The following IFIT2 variants were observed in gnomAD, a reference collection of about 807,000 sequenced individuals.
IFIT2 encodes the protein interferon-induced protein with tetratricopeptide repeats 2.
IFIT2 carries 3 observed loss-of-function variants against 2.5 expected under a neutral mutation model. That is an observed-to-expected ratio of 1.21 (90% confidence interval 0.55 to 3.14). IFIT2 has a LOEUF of 3.14. Ranked by LOEUF, IFIT2 falls within the 30% of genes most tolerant of loss-of-function variation. The pLI is 0.03. For synonymous variants in IFIT2, 212 were observed against 200.7 expected (o/e 1.06, Z -0.48); for missense variants, 493 against 558.9 (o/e 0.88, Z 1.19).
intron 1 of IFIT2, among the ~76,000 whole-genome samples, chr10:89,303,071 C>G (rs1026697987): frequency 1.3e-5 from 2 of 150,484 alleles, no homozygotes; most frequent in African/African-American, 4.9e-5. Flanking sequence ...CACCCAGAAT[C>G]TATAGAACCC....
rs777714474 is a variant in IFIT2 at position 89,306,369 on chromosome 10, T to G, written c.413T>G (p.Leu138Arg). 13 of 1,613,974 alleles carry G rather than the reference T, an allele frequency of 8.1e-6. No individual in the cohort carries two copies. ...CCCTATAGAATTGAGAGTCCAGAGC[T>G]TGACTGTGAGGAAGGGTGGACACGG... is the stretch of plus-strand genomic sequence containing the variant. ...SSPYRIESPELDCEEGWTRLK... is the reference protein window; with the variant it reads ...SSPYRIESPERDCEEGWTRLK... The change falls in exon 2 of 2, where the codon CTT (leucine) becomes CGT (arginine). Residue 138 changes from leucine (L) to arginine (R), a missense_variant. Coordinates refer to ENST00000371826, the MANE Select transcript of IFIT2 (RefSeq NM_001547.5).
In IFIT2 at chr10:89,306,679, G is replaced by A. The variant is rs765899784; in HGVS notation, c.723G>A (p.Glu241=). The change falls in exon 2 of 2, where the codon GAG becomes GAA. Residue 241 remains glutamate (E), a synonymous_variant. Transcript: ENST00000371826. ...EGEKLVEEAL[E]KAPGVTDVLR... ...AGAAGTTAGTTGAAGAAGCCTTGGA[G>A]AAAGCCCCAGGTGTAACAGATGTTC... 2.5e-6 allele frequency: 4 copies of A among 1,614,030 alleles called. No homozygotes were observed. The highest frequency in any genetic ancestry group is 3.4e-6 in the Non-Finnish European group (4 of 1,179,980).
chr10:89,302,300 C>A, intron 1 of IFIT2, among the ~76,000 whole-genome samples, 172 bp downstream of exon 1: 1 of 152,090 alleles, frequency 6.6e-6, no homozygotes, highest in East Asian at 1.9e-4. Context: ...GTGGTTTGTT[C>A]CCTCCTGAAC....
In IFIT2 at chr10:89,306,127, G is replaced by A. The variant is rs888474261; in HGVS notation, c.171G>A (p.Leu57=). Residue 57 remains leucine (L), a synonymous_variant, in exon 2 of 2, where the codon CTG becomes CTA. Coordinates refer to ENST00000371826, the MANE Select transcript of IFIT2 (RefSeq NM_001547.5). Reference sequence around the variant, plus strand: ...TCAAAGCCACAATGTGCAACCTACTGGCCTATCTAAAGCACCTCAAAGGGC... The same window carrying A: ...TCAAAGCCACAATGTGCAACCTACTAGCCTATCTAAAGCACCTCAAAGGGC... ...REFKATMCNL[L]AYLKHLKGQN... 5 of 1,614,120 alleles carry A rather than the reference G, an allele frequency of 3.1e-6. No individual in the cohort carries two copies. The highest frequency in any genetic ancestry group is 3.3e-5 in the Admixed American group (2 of 60,004).
rs765359543 is a variant in IFIT2 at position 89,306,134 on chromosome 10, C to A, written c.178C>A (p.Leu60Ile). ...KATMCNLLAY[L>I]KHLKGQNEAA... ...CACAATGTGCAACCTACTGGCCTAT[C>A]TAAAGCACCTCAAAGGGCAAAACGA... is the stretch of plus-strand genomic sequence containing the variant. Residue 60 changes from leucine (L) to isoleucine (I), a missense_variant, in exon 2 of 2, where the codon CTA becomes ATA. Leu to Ile is a conservative substitution (Grantham distance 5, BLOSUM62 2). Transcript: ENST00000371826. The A allele has an allele frequency of 6.2e-7, 1 of 1,614,112 alleles. No individual in the cohort carries two copies. The highest frequency in any genetic ancestry group is 1.7e-5 in the Admixed American group (1 of 60,010).
At chr10:89,303,345 C>G (rs573865140) in intron 1 of IFIT2, among the ~76,000 whole-genome samples, 1 of 152,206 alleles carries the variant, frequency 6.6e-6, no homozygotes, top group Admixed American at 6.5e-5. Context: ...ATGTGTGTTT[C>G]TAAAAGGCTC....
chr10:89,303,074 T>C (rs558212298), intron 1 of IFIT2, among the ~76,000 whole-genome samples: 14 of 152,268 alleles, frequency 9.2e-5, no homozygotes, highest in Admixed American at 2.6e-4. Context: ...CCAGAATCTA[T>C]AGAACCCTTT....
chr10:89,304,897 A>G (rs1843468718), intron 1 of IFIT2, among the ~76,000 whole-genome samples: 1 of 152,096 alleles, frequency 6.6e-6, no homozygotes. Flanking sequence ...AGCTCTTTCT[A>G]TAAGAAAAGG....
In IFIT2 at chr10:89,308,146, C is replaced by T. The variant is rs1323249998; in HGVS notation, c.*771C>T. 6.6e-6 allele frequency: 1 copy of T among 152,154 alleles called. No individual in the cohort carries two copies. The allele number at this position is 152,154 out of a possible 1,614,324, so 9.4% of individuals were successfully genotyped here. On this transcript the variant is annotated 3_prime_UTR_variant, in exon 2 of 2. Transcript: ENST00000371826. ...GAATGAGAATGGATTCTGTACAATA[C>T]ACTAGAAACCAACATAATGTATTTC...
Position 89,306,254 on chromosome 10 carries a change from T to C in IFIT2, c.298T>C (p.Tyr100His). The change falls in exon 2 of 2, where the codon TAT (tyrosine) becomes CAT (histidine). Residue 100 changes from tyrosine to histidine, a missense_variant. Coordinates refer to ENST00000371826, the MANE Select transcript of IFIT2 (RefSeq NM_001547.5). ...EIRSLVTWGN[Y>H]AWVYYHMGRL... The stretch of plus-strand genomic sequence containing the variant: ...CAGAAGTCTGGTCACCTGGGGAAAC[T>C]ATGCCTGGGTCTACTATCACATGGG... 3.1e-6 allele frequency: 5 copies of C among 1,614,160 alleles called. No homozygotes were observed. The highest frequency in any genetic ancestry group is 4.2e-6 in the Non-Finnish European group (5 of 1,180,000).
In IFIT2 at chr10:89,306,346, C is replaced by T. The variant is rs1037443373; in HGVS notation, c.390C>T (p.Pro130=). 6.2e-6 allele frequency: 10 copies of T among 1,613,972 alleles called. No individual in the cohort carries two copies. In the African/African-American group the frequency reaches 1.1e-4, roughly 17 times the overall value. The part of the protein sequence containing the change: ...VKHVCEKFSS[P]YRIESPELDC... ...ATGTCTGTGAGAAGTTTTCCAGTCC[C>T]TATAGAATTGAGAGTCCAGAGCTTG... Residue 130 remains proline (P), a synonymous_variant, in exon 2 of 2, where the codon CCC becomes CCT. Transcript: ENST00000371826.
At chr10:89,302,651 G>A (rs1843452528) in intron 1 of IFIT2, among the ~76,000 whole-genome samples, 1 of 152,160 alleles carries the variant, frequency 6.6e-6, no homozygotes, top group Non-Finnish European at 1.5e-5. Context: ...TTGCACAAGG[G>A]CTGGTAAACT....
rs760868864 is a variant in IFIT2 at position 89,306,570 on chromosome 10, A to G, written c.614A>G (p.Asn205Ser). ...CCTCTGAGGCAAGCCATTCGGCTGA[A>G]TCCTGACAACCAGTACCTTAAAGTC... ...IDPLRQAIRL[N>S]PDNQYLKVLL... is the part of the protein sequence containing the mutation. Residue 205 changes from asparagine to serine, a missense_variant, in exon 2 of 2, where the codon AAT becomes AGT. Coordinates refer to ENST00000371826, the MANE Select transcript of IFIT2 (RefSeq NM_001547.5). 6.2e-7 allele frequency: 1 copy of G among 1,614,132 alleles called. No homozygotes were observed. The highest frequency in any genetic ancestry group is 1.7e-5 in the Admixed American group (1 of 60,016).
intron 1 of IFIT2, among the ~76,000 whole-genome samples, chr10:89,304,452 GA>G (rs1159213591): frequency 6.6e-6 from 1 of 152,200 alleles, no homozygotes; most frequent in Non-Finnish European, 1.5e-5. Flanking sequence ...CAGTTAGAAA[GA>G]GGGGTCACAT....
chr10:89,308,840 T>A lies in IFIT2; in HGVS notation c.*1465T>A, dbSNP rs117819238. 13 of 152,374 alleles carry A rather than the reference T, an allele frequency of 8.5e-5. No homozygotes were observed. The East Asian group carries it at 2.5e-3, about 29-fold the overall frequency. 9.4% of individuals were successfully genotyped at this position (152,374 alleles called of 1,614,324 possible). ...TATTAAACATCTTGTTGCACGCATTTGAGGTCATCAGGGTGCAAAATTTGT... is the reference window on the plus strand; with the variant it reads ...TATTAAACATCTTGTTGCACGCATTAGAGGTCATCAGGGTGCAAAATTTGT... On this transcript the variant is annotated 3_prime_UTR_variant, in exon 2 of 2. Coordinates refer to ENST00000371826, the MANE Select transcript of IFIT2 (RefSeq NM_001547.5).
intron 1 of IFIT2, among the ~76,000 whole-genome samples, chr10:89,303,638 G>A (rs1023962075): frequency 3.3e-5 from 5 of 152,192 alleles, no homozygotes; most frequent in African/African-American, 1.2e-4. Flanking sequence ...TTACCTAAGT[G>A]TGTATATTAA....
chr10:89,302,169 A>G, intron 1 of IFIT2, 41 bp downstream of exon 1: 1 of 1,608,574 alleles, frequency 6.2e-7, no homozygotes, highest in Non-Finnish European at 8.5e-7. Context: ...CTGTTGAGTC[A>G]TCTTGTCCAA....
intron 1 of IFIT2, among the ~76,000 whole-genome samples, chr10:89,303,837 A>G (rs756201711): frequency 6.6e-6 from 1 of 152,230 alleles, no homozygotes; most frequent in Non-Finnish European, 1.5e-5. Flanking sequence ...AGGAAGCTAT[A>G]GTGAGTCTTC....
Position 89,307,699 on chromosome 10 carries a change from A to C in IFIT2, c.*324A>C. On this transcript the variant is annotated 3_prime_UTR_variant, in exon 2 of 2. Coordinates refer to ENST00000371826, the MANE Select transcript of IFIT2 (RefSeq NM_001547.5). ...AGTAATCTACTGGGCTTGTTTCTAT[A>C]TTTATATAAAGCAGCCAAATCCTTC... is the stretch of plus-strand genomic sequence containing the variant. 4.5e-6 allele frequency: 1 copy of C among 221,202 alleles called. No homozygotes were observed. The highest frequency in any genetic ancestry group is 9.8e-5 in the South Asian group (1 of 10,158). 13.7% of individuals were successfully genotyped at this position (221,202 alleles called of 1,614,324 possible). A position where few individuals can be genotyped will look rare whatever the true frequency, so the allele number is the denominator to read the frequency against.
Sources: allele counts gnomAD v4.1 joint callset (sites outside exome capture counted in the v4.1 genomes callset), GRCh38; gene constraint gnomAD v4.1.1; transcripts MANE v1.5; gene names NCBI Gene and HGNC (gene_info 2026-07-23, HGNC 2026-07-21).